Variants in DLC1 observed in about 807,000 individuals in gnomAD.
DLC1 encodes the protein rho GTPase-activating protein 7.
Under a neutral mutation model 140.3 loss-of-function variants are expected in DLC1, and 54 were observed. The ratio of observed to expected loss-of-function variants is 0.38; its 90% CI spans 0.31 to 0.48. DLC1 has a LOEUF of 0.48. Among genes scored for constraint, DLC1 ranks in the 20% least tolerant of loss-of-function variants. The pLI is 0.96. For synonymous variants in DLC1, 986 were observed against 728.1 expected (o/e 1.35, Z -5.70); for missense variants, 2,536 against 1,907.0 (o/e 1.33, Z -6.14).
intron 1 of DLC1, among the ~76,000 whole-genome samples, chr8:13,594,630 T>C (rs1805626892): frequency 6.6e-6 from 1 of 152,128 alleles, no homozygotes; most frequent in Admixed American, 6.6e-5. Context: ...ACTTCTTGAC[T>C]TTACTGTCTT....
intron 1 of DLC1, among the ~76,000 whole-genome samples, chr8:13,555,700 C>A (rs1331796961): frequency 6.6e-6 from 1 of 151,432 alleles, no homozygotes; most frequent in African/African-American, 2.4e-5. Flanking sequence ...CAGGATTTCA[C>A]CATGTTGGCC....
chr8:13,544,888 A>T (rs1803603460), intron 1 of DLC1, among the ~76,000 whole-genome samples: 4 of 152,166 alleles, frequency 2.6e-5, no homozygotes, highest in Non-Finnish European at 1.5e-5. Context: ...AATTTGATCT[A>T]TCCGTGAACA....
At chr8:13,315,347 C>G (rs532718812) in intron 4 of DLC1, among the ~76,000 whole-genome samples, 16 of 151,938 alleles carry the variant, frequency 1.1e-4, no homozygotes, top group African/African-American at 3.6e-4. Flanking sequence ...CAAATAATAG[C>G]CAAACATTTG....
intron 5 of DLC1, among the ~76,000 whole-genome samples, chr8:13,199,069 C>A (rs1283930157): frequency 6.6e-6 from 1 of 151,874 alleles, no homozygotes; most frequent in African/African-American, 2.4e-5. Context: ...GTAATAGCAA[C>A]TTACAGCTTA....
At chr8:13,187,373 C>T (rs910696244) in intron 5 of DLC1, among the ~76,000 whole-genome samples, 4 of 152,066 alleles carry the variant, frequency 2.6e-5, no homozygotes, top group Admixed American at 1.3e-4. Flanking sequence ...TCTTTAACCT[C>T]CCTAATTTTT....
rs1044092 is a variant in DLC1 at position 13,100,202 on chromosome 8, T to C, written c.2135A>G (p.Asn712Ser). Reference sequence around the variant, plus strand: ...ATTGAGGGCGGAGATCTCCACGCAGTTGAGCTGCTTCAGCTTCTCCTCATC... The same window carrying C: ...ATTGAGGGCGGAGATCTCCACGCAGCTGAGCTGCTTCAGCTTCTCCTCATC... ...GMDEEKLKQL[N>S]CVEISALNGN... Residue 712 changes from asparagine to serine, a missense_variant, in exon 9 of 18, where the codon AAC (asparagine) becomes AGC (serine). Asn to Ser is a conservative substitution (Grantham distance 46). Coordinates refer to ENST00000276297, the MANE Select transcript of DLC1 (RefSeq NM_182643.3). 2 of 1,614,188 alleles carry C rather than the reference T, an allele frequency of 1.2e-6. No individual in the cohort carries two copies. Among genetic ancestry groups the C allele is most frequent in the East Asian group, 2.2e-5 (1 of 44,868 alleles).
chr8:13,589,859 C>A (rs114018577), intron 1 of DLC1, among the ~76,000 whole-genome samples: 2,198 of 151,498 alleles, frequency 0.015, 60 homozygotes, highest in African/African-American at 0.051. Flanking sequence ...CATCTAAATT[C>A]TAAAAATATA....
intron 2 of DLC1, among the ~76,000 whole-genome samples, chr8:13,415,401 A>AT (rs34742397): frequency 0.019 from 2,637 of 139,282 alleles, 31 homozygotes; most frequent in Middle Eastern, 0.044. Context: ...AAAATATTTA[A>AT]TTTTTTTTTT....
At chr8:13,169,687 G>A (rs530431128) in intron 5 of DLC1, among the ~76,000 whole-genome samples, 41 of 152,256 alleles carry the variant, frequency 2.7e-4, no homozygotes, top group Non-Finnish European at 5.0e-4. Flanking sequence ...TAAAAAGTCT[G>A]CAGGTGTTAT....
intron 5 of DLC1, among the ~76,000 whole-genome samples, chr8:13,242,548 AC>A (rs1829585196): frequency 6.6e-6 from 1 of 151,978 alleles, no homozygotes; most frequent in Admixed American, 6.6e-5. Flanking sequence ...AGTGCATGCC[AC>A]TACATCTGTA....
intron 5 of DLC1, among the ~76,000 whole-genome samples, chr8:13,138,677 A>G (rs1239797549): frequency 6.6e-6 from 1 of 152,260 alleles, no homozygotes; most frequent in Non-Finnish European, 1.5e-5. Flanking sequence ...ACTAAGTTAG[A>G]AATTGAATGG....
chr8:13,185,847 G>A (rs1826340740), intron 5 of DLC1, among the ~76,000 whole-genome samples: 1 of 152,106 alleles, frequency 6.6e-6, no homozygotes, highest in Non-Finnish European at 1.5e-5. Flanking sequence ...GCCTGGTGGT[G>A]ACAAAAATCT....
At chr8:13,348,661 A>C (rs936668301) in intron 4 of DLC1, among the ~76,000 whole-genome samples, 1 of 152,188 alleles carries the variant, frequency 6.6e-6, no homozygotes, top group Non-Finnish European at 1.5e-5. Context: ...GAAGAAGCAG[A>C]TTCACCTATC....
intron 5 of DLC1, among the ~76,000 whole-genome samples, chr8:13,282,999 A>T (rs1445893801): frequency 6.6e-6 from 1 of 152,208 alleles, no homozygotes; most frequent in East Asian, 1.9e-4. Flanking sequence ...AACAATTATC[A>T]ACCATCTCAA....
intron 5 of DLC1, among the ~76,000 whole-genome samples, chr8:13,213,370 C>A (rs1230335201): frequency 6.6e-6 from 1 of 152,120 alleles, no homozygotes; most frequent in Non-Finnish European, 1.5e-5. Flanking sequence ...ACAACAGAAG[C>A]CTCTATATTT....
chr8:13,150,083 T>A (rs1470410196), intron 5 of DLC1, among the ~76,000 whole-genome samples: 1 of 152,190 alleles, frequency 6.6e-6, no homozygotes, highest in Non-Finnish European at 1.5e-5. Context: ...TCTTTTGTGG[T>A]CTGGGATGCA....
At chr8:13,259,022 A>G (rs1395362649) in intron 5 of DLC1, among the ~76,000 whole-genome samples, 3 of 151,718 alleles carry the variant, frequency 2.0e-5, no homozygotes, top group Non-Finnish European at 4.4e-5. Context: ...CTGTACTCCC[A>G]GCTACTCTGG....
rs569918072 is a variant in DLC1 at position 13,205,423 on chromosome 8, G to A, written c.1349-89766C>T. Among the ~76,000 whole-genome samples, 4 of 152,300 alleles carry A rather than the reference G, an allele frequency of 2.6e-5. No homozygotes were observed. The East Asian group carries it at 7.7e-4, about 29-fold the overall frequency. On this transcript the variant is annotated intron_variant, in intron 5 of 17. Transcript: ENST00000276297. ...CATGTGTCACTTATACTCAAAGTCTGTTAAGGGGAGATTGTGGTTCCGCGG... is the reference window on the plus strand; with the variant it reads ...CATGTGTCACTTATACTCAAAGTCTATTAAGGGGAGATTGTGGTTCCGCGG...
At chr8:13,552,545 A>G (rs1341226470) in intron 1 of DLC1, among the ~76,000 whole-genome samples, 1 of 151,386 alleles carries the variant, frequency 6.6e-6, no homozygotes, top group Non-Finnish European at 1.5e-5. Flanking sequence ...ACATGAGTGA[A>G]TATATATTTT....
Sources: gnomAD v4.1 joint callset for allele counts (sites outside exome capture counted in the v4.1 genomes callset) on GRCh38, gnomAD v4.1.1 for gene constraint, MANE v1.5 for transcripts, NCBI Gene and HGNC (gene_info 2026-07-23, HGNC 2026-07-21) for gene names.